The following DENND2B variants were observed in gnomAD, a reference collection of about 807,000 sequenced individuals.
DENND2B encodes the protein DENN domain-containing protein 2B.
Under a neutral mutation model 116.0 loss-of-function variants are expected in DENND2B, and 32 were observed. The observed-to-expected ratio is 0.28, with a 90% CI of 0.21 to 0.37. The LOEUF (loss-of-function observed/expected upper bound fraction) is 0.37, where lower values mean the gene tolerates loss of function less well. Among genes scored for constraint, DENND2B ranks in the 10% least tolerant of loss-of-function variants. The probability of loss-of-function intolerance (pLI) is 1.00; values close to 1 mark genes in which losing one functional copy is unlikely to be tolerated. For missense variants in DENND2B, 1,276 were observed against 1,477.7 expected (o/e 0.86, Z 2.24); for synonymous variants, 588 against 583.9 (o/e 1.01, Z -0.10).
intron 1 of DENND2B, among the ~76,000 whole-genome samples, chr11:8,797,933 G>A (rs145226122): frequency 1.3e-5 from 2 of 152,202 alleles, no homozygotes; most frequent in African/African-American, 4.8e-5. Flanking sequence ...TCCTACCTCA[G>A]GAGCTTTGAC....
At chr11:8,894,398 G>T (rs1181165821) in intron 1 of DENND2B, among the ~76,000 whole-genome samples, 1 of 152,054 alleles carries the variant, frequency 6.6e-6, no homozygotes, top group East Asian at 1.9e-4. Flanking sequence ...ATTGACAAAT[G>T]GGATCTAATT....
At chr11:8,776,045 C>T in intron 1 of DENND2B, 1 of 350,466 alleles carries the variant, frequency 2.9e-6, no homozygotes, top group Non-Finnish European at 5.6e-6. Flanking sequence ...CTTTCCAATT[C>T]TTCCTTCCCT....
chr11:8,766,576 G>A (rs2134150378), intron 1 of DENND2B: 1 of 1,271,014 alleles, frequency 7.9e-7, no homozygotes, highest in Admixed American at 2.3e-5. Flanking sequence ...GGCTTCCACT[G>A]ACAGACCATC....
At chr11:8,718,731 T>C (rs1052287879) in intron 4 of DENND2B, 66 of 1,103,088 alleles carry the variant, frequency 6.0e-5, no homozygotes, top group African/African-American at 3.1e-4. Context: ...CTAAAATCTC[T>C]GGCAGCGGGC....
intron 2 of DENND2B, among the ~76,000 whole-genome samples, chr11:8,870,522 TGTGC>T (rs1310610259): frequency 2.6e-5 from 4 of 151,602 alleles, no homozygotes; most frequent in Non-Finnish European, 1.5e-5. Context: ...TGTGTGTGTG[TGTGC>T]GCGCGCGCGC....
At chr11:8,774,911 C>T (rs1319137422) in intron 1 of DENND2B, among the ~76,000 whole-genome samples, 3 of 150,166 alleles carry the variant, frequency 2.0e-5, no homozygotes, top group African/African-American at 5.0e-5. Context: ...GACAGAGTCT[C>T]TCTCTGTTGC....
intron 1 of DENND2B, among the ~76,000 whole-genome samples, chr11:8,795,169 A>T (rs1459456710): frequency 6.6e-6 from 1 of 152,230 alleles, no homozygotes; most frequent in Non-Finnish European, 1.5e-5. Context: ...TGGAAATCTC[A>T]TCCAGAAGTG....
intron 2 of DENND2B, among the ~76,000 whole-genome samples, chr11:8,738,102 A>T (rs1293574739): frequency 6.6e-6 from 1 of 152,164 alleles, no homozygotes; most frequent in Non-Finnish European, 1.5e-5. Flanking sequence ...CAGTGCAGAT[A>T]CAGAGGGCAC....
chr11:8,849,870 C>T (rs922941235), intron 3 of DENND2B, among the ~76,000 whole-genome samples: 1 of 150,684 alleles, frequency 6.6e-6, no homozygotes, highest in Non-Finnish European at 1.5e-5. Context: ...TGCTGTGGTT[C>T]ATGCCTGTAA....
intron 1 of DENND2B, among the ~76,000 whole-genome samples, chr11:8,755,077 T>C (rs2053374906): frequency 6.6e-6 from 1 of 152,200 alleles, no homozygotes; most frequent in Admixed American, 6.5e-5. Context: ...TTAAGTGCCT[T>C]GGAGAGTGGG....
chr11:8,702,559 G>T lies in DENND2B; in HGVS notation c.2720+13C>A. ...CCCCCTCCCTTCTGCTTTCTTGCCC[G>T]GCTGGGCCCTACCTGAGCTTATCTG... is the stretch of plus-strand genomic sequence containing the variant. On this transcript the variant is annotated intron_variant, in intron 14 of 19. Coordinates refer to ENST00000313726, the MANE Select transcript of DENND2B (RefSeq NM_213618.2). The surrounding 1 kb of genome is among the most constrained non-coding windows in gnomAD (Gnocchi z 4.6). 4 of 1,610,308 alleles carry T rather than the reference G, an allele frequency of 2.5e-6. No homozygotes were observed. The highest frequency in any genetic ancestry group is 1.1e-5 in the South Asian group (1 of 91,064).
chr11:8,897,470 T>C (rs890986636), intron 1 of DENND2B, among the ~76,000 whole-genome samples: 21 of 152,162 alleles, frequency 1.4e-4, no homozygotes, highest in African/African-American at 5.1e-4. Context: ...GCAATGTAAT[T>C]TGGTGCATAG....
chr11:8,779,733 C>T (rs1051124945), intron 1 of DENND2B, among the ~76,000 whole-genome samples: 10 of 152,074 alleles, frequency 6.6e-5, no homozygotes, highest in Non-Finnish European at 1.2e-4. Flanking sequence ...AGGCTGGTCT[C>T]GAACTCCTGA....
intron 4 of DENND2B, among the ~76,000 whole-genome samples, chr11:8,819,574 C>T (rs1227606569): frequency 2.0e-5 from 3 of 152,230 alleles, no homozygotes; most frequent in Admixed American, 6.5e-5. Context: ...AATGACACCA[C>T]GTACCCCGAT....
rs1365714052 is a variant in DENND2B at position 8,712,603 on chromosome 11, T to G, written c.2120A>C (p.Lys707Thr). The change falls in exon 9 of 20, where the codon AAG (lysine) becomes ACG (threonine). Residue 707 changes from lysine (K) to threonine (T), a missense_variant. Coordinates refer to ENST00000313726, the MANE Select transcript of DENND2B (RefSeq NM_213618.2). The surrounding 1 kb of genome is among the most constrained non-coding windows in gnomAD (Gnocchi z 4.4). ...GAGGTAGGTGTTTCGCGATGGCTTCTTCTTGAGGGACACCACCACAAAGTA... is the reference window on the plus strand; with the variant it reads ...GAGGTAGGTGTTTCGCGATGGCTTCGTCTTGAGGGACACCACCACAAAGTA... ...FEYFVVVSLK[K>T]KPSRNTYLPE... 23 of 1,561,366 alleles carry G rather than the reference T, an allele frequency of 1.5e-5. No homozygotes were observed. The highest frequency in any genetic ancestry group is 2.0e-5 in the Non-Finnish European group (23 of 1,152,020).
At chr11:8,896,620 A>G (rs2064105157) in intron 1 of DENND2B, among the ~76,000 whole-genome samples, 1 of 152,200 alleles carries the variant, frequency 6.6e-6, no homozygotes, top group Admixed American at 6.5e-5. Context: ...AGCAATATAC[A>G]TTCAGTGGAA....
In DENND2B at chr11:8,908,825, T is replaced by C. The variant is rs538637405; in HGVS notation, c.-256+1996A>G. ...ATTCTTTCCTCTTTTTTATTCTCCT[T>C]TAGTCTGATCCACATTCTGTTCTCC... On this transcript the variant is annotated intron_variant, in intron 1 of 22. Coordinates refer to the DENND2B transcript ENST00000534127. 1.2e-4 allele frequency among the ~76,000 whole-genome samples: 18 copies of C among 152,328 alleles called. No individual in the cohort carries two copies. In the South Asian group the frequency reaches 3.1e-3, roughly 26 times the overall value.
At chr11:8,837,272 A>G (rs1487470061) in intron 4 of DENND2B, among the ~76,000 whole-genome samples, 1 of 148,176 alleles carries the variant, frequency 6.7e-6, no homozygotes, top group Non-Finnish European at 1.5e-5. Context: ...TTACATAGGC[A>G]GAAGTTAAAC....
rs955485920 is a variant in DENND2B, at chr11:8,733,223, C to T, written c.81-2014G>A. 4.6e-5 allele frequency among the ~76,000 whole-genome samples: 7 copies of T among 152,214 alleles called. No homozygotes were observed. The South Asian group carries it at 1.2e-3, about 27-fold the overall frequency. The stretch of plus-strand genomic sequence containing the variant: ...GCAGGGCAAGTCGCCAGGCTTGAGG[C>T]GGGGGGAGATCCCAACTTCCTCACA... On this transcript the variant is annotated intron_variant, in intron 2 of 19. Transcript: ENST00000313726.
Sources: allele counts gnomAD v4.1 joint callset (sites outside exome capture counted in the v4.1 genomes callset), GRCh38; gene constraint gnomAD v4.1.1; non-coding constraint Gnocchi (gnomAD v3.1); transcripts MANE v1.5; gene names NCBI Gene and HGNC (gene_info 2026-07-23, HGNC 2026-07-21).